The following TTC27 variants were observed in gnomAD, a reference collection of about 807,000 sequenced individuals.
The protein encoded by TTC27 is tetratricopeptide repeat domain 27, also known as tetratricopeptide repeat protein 27.
In TTC27, 79 loss-of-function variants were observed where a neutral mutation model predicts 115.9. The ratio of observed to expected loss-of-function variants is 0.68; its 90% CI spans 0.57 to 0.82. The LOEUF is 0.82. Among genes scored for constraint, TTC27 ranks in the 40% least tolerant of loss-of-function variants. The pLI is 0.00. For missense variants in TTC27, 1,054 were observed against 993.1 expected, an observed-to-expected ratio of 1.06 and a Z score of -0.82; for synonymous variants, 401 against 356.0, an observed-to-expected ratio of 1.13 and a Z score of -1.42.
Position 32,653,728 on chromosome 2 carries a change from A to T in TTC27, c.640+3495A>T, listed in dbSNP as rs149425211. Among the ~76,000 whole-genome samples the T allele has an allele frequency of 1.1e-3, 169 of 152,278 alleles. 1 individual carries two copies. Among genetic ancestry groups the T allele is most frequent in the African/African-American group, 3.5e-3 (144 of 41,562 alleles). ...CTAAATGTCATTGTCTGTAATTATA[A>T]TTGTCCATTAAGGATTTCATTTTAG... On this transcript the variant is annotated intron_variant, in intron 5 of 19. Transcript: ENST00000317907.
intron 4 of TTC27, 72 bp downstream of exon 4, chr2:32,640,482 G>C (rs900345404): frequency 2.1e-6 from 3 of 1,440,384 alleles, no homozygotes; most frequent in African/African-American, 2.8e-5. Flanking sequence ...CTGTAGATGT[G>C]TTGCTGACAA....
chr2:32,750,144 C>G (rs757947649), intron 12 of TTC27, among the ~76,000 whole-genome samples: 2 of 152,182 alleles, frequency 1.3e-5, no homozygotes, highest in Admixed American at 1.3e-4. Context: ...ATCCAAGAAG[C>G]CAAATACTTT....
rs371924028 is a variant in TTC27, at chr2:32,628,236, T to C, written c.-57T>C. 2.6e-6 allele frequency: 4 copies of C among 1,525,806 alleles called. No homozygotes were observed. Among genetic ancestry groups the C allele is most frequent in the African/African-American group, 2.7e-5 (2 of 73,742 alleles). The allele number at this position is 1,525,806 out of a possible 1,614,324, so 94.5% of individuals were successfully genotyped here. On this transcript the variant is annotated 5_prime_UTR_variant, in exon 1 of 20. Coordinates refer to ENST00000317907, the MANE Select transcript of TTC27 (RefSeq NM_017735.5). ...ACTCTCCTGTTTTCACTTTCTTTTG[T>C]TGACTCCCGTGTGGCCCTCGTGGGA...
At chr2:32,654,996 T>C (rs889786369) in intron 5 of TTC27, among the ~76,000 whole-genome samples, 5 of 79,428 alleles carry the variant, frequency 6.3e-5, no homozygotes, top group African/African-American at 3.6e-4. Context: ...GCGTCTGGCC[T>C]TTTTTTTTTT....
intron 4 of TTC27, among the ~76,000 whole-genome samples, chr2:32,641,185 G>A (rs1381037507): frequency 6.6e-6 from 1 of 152,118 alleles, no homozygotes; most frequent in East Asian, 1.9e-4. Flanking sequence ...CTATTATATG[G>A]TTTCTTCATA....
chr2:32,684,667 G>T (rs988803381), intron 9 of TTC27, among the ~76,000 whole-genome samples: 2 of 151,996 alleles, frequency 1.3e-5, no homozygotes, highest in Non-Finnish European at 2.9e-5. Flanking sequence ...TTTTATAGAT[G>T]AAAATGATTA....
At chr2:32,679,006 T>C in intron 9 of TTC27, 84 bp downstream of exon 9, 1 of 1,191,738 alleles carries the variant, frequency 8.4e-7, no homozygotes, top group South Asian at 1.3e-5. Context: ...GGATTGTTTA[T>C]GTTGAAACAC....
intron 10 of TTC27, among the ~76,000 whole-genome samples, chr2:32,718,404 A>G (rs56174704): frequency 0.21 from 31,398 of 152,146 alleles, 3,884 homozygotes; most frequent in South Asian, 0.4. Flanking sequence ...TTATTTTGAC[A>G]ATTATTTTTA....
intron 12 of TTC27, among the ~76,000 whole-genome samples, chr2:32,752,555 T>C (rs887859896): frequency 1.3e-5 from 2 of 152,220 alleles, no homozygotes; most frequent in African/African-American, 4.8e-5. Context: ...TGATCCTTTT[T>C]CTCTCTGGTC....
Position 32,790,278 on chromosome 2 carries a change from T to TG in TTC27, c.1998+3129_1998+3130insG, listed in dbSNP as rs531865078. 1.0e-3 allele frequency among the ~76,000 whole-genome samples: 156 copies of TG among 152,024 alleles called. 2 individuals carry two copies. The South Asian group carries it at 0.031, about 30-fold the overall frequency. ...TGGATTATTGCCATTAAATTTTTTT[T>TG]TTGTGTGTGTGTATAAATTCATGCT... On this transcript the variant is annotated intron_variant, in intron 16 of 19. Coordinates refer to ENST00000317907, the MANE Select transcript of TTC27 (RefSeq NM_017735.5).
intron 1 of TTC27, among the ~76,000 whole-genome samples, 159 bp from the exon 2 acceptor site, chr2:32,630,364 G>A (rs1011891781): frequency 6.6e-6 from 1 of 152,116 alleles, no homozygotes; most frequent in Non-Finnish European, 1.5e-5. Context: ...GTAGAATGAT[G>A]GAAATTTACT....
intron 8 of TTC27, among the ~76,000 whole-genome samples, chr2:32,677,299 C>T (rs1460494254): frequency 6.6e-6 from 1 of 151,572 alleles, no homozygotes; most frequent in African/African-American, 2.4e-5. Flanking sequence ...TGGATTGTTT[C>T]CAGATTTTTC....
At chr2:32,686,082 G>T (rs1451804618) in intron 9 of TTC27, among the ~76,000 whole-genome samples, 1 of 152,120 alleles carries the variant, frequency 6.6e-6, no homozygotes, top group South Asian at 2.1e-4. Context: ...AAAATCATTT[G>T]CAATAGCCTT....
intron 10 of TTC27, among the ~76,000 whole-genome samples, chr2:32,710,087 C>A (rs1366668992): frequency 6.6e-6 from 1 of 152,134 alleles, no homozygotes; most frequent in Non-Finnish European, 1.5e-5. Context: ...ATGATCTCGG[C>A]TCACTGAAAC....
chr2:32,692,721 C>T (rs1047001554), intron 9 of TTC27, among the ~76,000 whole-genome samples: 2 of 151,978 alleles, frequency 1.3e-5, no homozygotes, highest in Non-Finnish European at 2.9e-5. Flanking sequence ...CCTGTAATCC[C>T]AGCACTTTGG....
chr2:32,725,019 C>T (rs11124290), intron 10 of TTC27, among the ~76,000 whole-genome samples: 116,237 of 152,118 alleles, frequency 0.76, 44,638 homozygotes, highest in African/African-American at 0.83. Flanking sequence ...TATAAAACCA[C>T]CAGATCTTGT....
At chr2:32,637,477 G>A (rs544286234) in intron 3 of TTC27, among the ~76,000 whole-genome samples, 39 of 151,974 alleles carry the variant, frequency 2.6e-4, no homozygotes, top group Non-Finnish European at 4.0e-4. Flanking sequence ...GACTACAGGC[G>A]CCCGCCACCG....
chr2:32,637,874 C>T (rs775159808), intron 3 of TTC27, among the ~76,000 whole-genome samples: 3 of 152,194 alleles, frequency 2.0e-5, no homozygotes, highest in Non-Finnish European at 4.4e-5. Context: ...ATGTCCAAGA[C>T]TGAACTCATG....
At chr2:32,663,018 G>A (rs141442935) in intron 5 of TTC27, among the ~76,000 whole-genome samples, 222 of 152,262 alleles carry the variant, frequency 1.5e-3, no homozygotes, top group African/African-American at 5.2e-3. Flanking sequence ...AATGGTGGAC[G>A]CCCCTGTCCC....
Sources: gnomAD v4.1 joint callset for allele counts (sites outside exome capture counted in the v4.1 genomes callset) on GRCh38, gnomAD v4.1.1 for gene constraint, MANE v1.5 for transcripts, NCBI Gene and HGNC (gene_info 2026-07-23, HGNC 2026-07-21) for gene names.